The following DMXL2 variants were observed in gnomAD, a reference collection of about 807,000 sequenced individuals.
The protein encoded by DMXL2 is Dmx like 2, also known as dmX-like protein 2.
A neutral mutation model predicts 331.1 loss-of-function variants in DMXL2; 103 were observed. That is an observed-to-expected ratio of 0.31 (90% CI 0.27 to 0.37). The LOEUF (loss-of-function observed/expected upper bound fraction) is 0.37, where lower values mean the gene tolerates loss of function less well. DMXL2 is among the 10% of genes least tolerant of loss of function. The pLI, the probability that DMXL2 is intolerant of heterozygous loss-of-function variation, is 1.00. For missense variants in DMXL2, 3,171 were observed against 3,642.9 expected (o/e 0.87, Z 3.33); for synonymous variants, 1,281 against 1,252.1 (o/e 1.02, Z -0.49).
chr15:51,458,735 T>C lies in DMXL2; in HGVS notation c.8050A>G (p.Met2684Val). Reference protein sequence around the residue: ...KAKVIHKESDMIMAFSVNKAN... With the variant: ...KAKVIHKESDVIMAFSVNKAN... ...TTATTAACAGAAAATGCCATGATCATATCAGATTCCTTATGGATGACTTTC... is the reference window on the plus strand; with the variant it reads ...TTATTAACAGAAAATGCCATGATCACATCAGATTCCTTATGGATGACTTTC... The change falls in exon 35 of 44, where the codon ATG becomes GTG. Residue 2684 changes from methionine (M) to valine (V), a missense_variant. Physicochemically the swap from Met to Val is conservative, Grantham distance 21 (BLOSUM62 1). Around this residue, in one of 7 missense-constraint regions of DMXL2, gnomAD observed 766 missense variants for 940.5 expected, o/e 0.81. Coordinates refer to ENST00000560891, the MANE Select transcript of DMXL2 (RefSeq NM_001378457.1). The C allele has an allele frequency of 1.2e-6, 2 of 1,614,066 alleles. No homozygotes were observed. Among genetic ancestry groups the C allele is most frequent in the Non-Finnish European group, 1.7e-6 (2 of 1,179,942 alleles).
chr15:51,521,414 C>CTAGTAGTAG (rs10667947), intron 13 of DMXL2, among the ~76,000 whole-genome samples: 3,931 of 141,942 alleles, frequency 0.028, 64 homozygotes, highest in Non-Finnish European at 0.033. Flanking sequence ...TAAAAGTTTG[C>CTAGTAGTAG]TAGTAGTAGT....
rs535204474 is a variant in DMXL2 at position 51,478,343 on chromosome 15, T to C, written c.6761A>G (p.His2254Arg). 1 of 1,613,048 alleles carries C rather than the reference T, an allele frequency of 6.2e-7. No homozygotes were observed. The highest frequency in any genetic ancestry group is 1.3e-5 in the African/African-American group (1 of 74,996). ...TGATGCTGCTAGTGAATGAAGTGTG[T>C]GCACCTAAAACCAAAACAGTCACAA... ...PHPSIEDVKVHTLHSLAASLS... is the reference protein window; with the variant it reads ...PHPSIEDVKVRTLHSLAASLS... The change falls in exon 26 of 44, where the codon CAC becomes CGC. Residue 2254 changes from histidine (H) to arginine (R), a missense_variant. Around this residue, in one of 7 missense-constraint regions of DMXL2, gnomAD observed 18 missense variants for 40.9 expected, o/e 0.44. Transcript: ENST00000560891.
At chr15:51,519,683 C>T (rs557061219) in intron 13 of DMXL2, among the ~76,000 whole-genome samples, 2 of 135,110 alleles carry the variant, frequency 1.5e-5, no homozygotes, top group South Asian at 4.7e-4. Context: ...ACTCTTGCTG[C>T]CCAGGCTGAA....
intron 3 of DMXL2, among the ~76,000 whole-genome samples, chr15:51,566,348 T>C (rs1367712740): frequency 1.3e-5 from 2 of 152,056 alleles, no homozygotes; most frequent in Non-Finnish European, 2.9e-5. Flanking sequence ...AAATGCTATT[T>C]TTAAACCCTA....
intron 1 of DMXL2, among the ~76,000 whole-genome samples, chr15:51,599,391 CA>C (rs1343296081): frequency 1.3e-5 from 2 of 152,112 alleles, no homozygotes; most frequent in Admixed American, 1.3e-4. Flanking sequence ...GTTAGGAAAA[CA>C]AATGTGTGTG....
rs370563573 is a variant in DMXL2 at position 51,499,877 on chromosome 15, T to C, written c.3347A>G (p.Glu1116Gly). The C allele has an allele frequency of 1.6e-5, 26 of 1,614,036 alleles. No homozygotes were observed. Among genetic ancestry groups the C allele is most frequent in the South Asian group, 2.2e-5 (2 of 91,076 alleles). The change falls in exon 18 of 44, where the codon GAG (glutamate) becomes GGG (glycine). Residue 1116 changes from glutamate (E) to glycine (G), a missense_variant. Physicochemically the swap from Glu to Gly is moderately conservative, Grantham distance 98. Around this residue, in one of 7 missense-constraint regions of DMXL2, gnomAD observed 1,674 missense variants for 1,780.2 expected, o/e 0.94. Coordinates refer to ENST00000560891, the MANE Select transcript of DMXL2 (RefSeq NM_001378457.1). ...ATGAATTGTTTGTTCTAAAACCCAC[T>C]CTGATCCTCCTGTAGATTCACATTC... ...IFECESTGGS[E>G]WVLEQTIHLD...
At chr15:51,492,251 C>A (rs1489851429) in intron 19 of DMXL2, among the ~76,000 whole-genome samples, 2 of 152,226 alleles carry the variant, frequency 1.3e-5, no homozygotes, top group African/African-American at 4.8e-5. Flanking sequence ...TTATTCAAGT[C>A]AAAAGCACTT....
intron 33 of DMXL2, among the ~76,000 whole-genome samples, chr15:51,461,013 C>T (rs1470948355): frequency 1.3e-5 from 2 of 152,132 alleles, no homozygotes; most frequent in Non-Finnish European, 2.9e-5. Flanking sequence ...ATACAGATTT[C>T]CATCATCACA....
intron 1 of DMXL2, among the ~76,000 whole-genome samples, chr15:51,591,822 C>A (rs1567161257): frequency 6.6e-6 from 1 of 152,142 alleles, no homozygotes; most frequent in Non-Finnish European, 1.5e-5. Flanking sequence ...GAGTGGACCT[C>A]CAGCAAACTC....
intron 6 of DMXL2, among the ~76,000 whole-genome samples, chr15:51,561,647 G>C (rs1037918265): frequency 1.3e-5 from 2 of 152,060 alleles, no homozygotes. Flanking sequence ...AACAAAACTA[G>C]AACTACCATA....
intron 34 of DMXL2, chr15:51,459,243 A>G (rs1162687923): frequency 5.4e-6 from 1 of 186,706 alleles, no homozygotes; most frequent in African/African-American, 2.3e-5. Flanking sequence ...AGTTGTAAAG[A>G]GGGATACTTC....
intron 7 of DMXL2, among the ~76,000 whole-genome samples, chr15:51,546,064 C>T (rs2048873382): frequency 6.6e-6 from 1 of 152,064 alleles, no homozygotes; most frequent in Non-Finnish European, 1.5e-5. Flanking sequence ...CTAATCATTG[C>T]AAATTAGAGA....
chr15:51,586,966 T>C (rs762548862), intron 1 of DMXL2, among the ~76,000 whole-genome samples: 1 of 136,708 alleles, frequency 7.3e-6, no homozygotes, highest in African/African-American at 2.8e-5. Flanking sequence ...TTCAAAGTAT[T>C]CATTGTCAAA....
chr15:51,554,910 C>A (rs143303202), intron 6 of DMXL2, among the ~76,000 whole-genome samples: 3,342 of 152,288 alleles, frequency 0.022, 123 homozygotes, highest in African/African-American at 0.077. Context: ...ATAATCCCAG[C>A]ACTTTGGGAG....
chr15:51,613,766 T>A (rs2054122359), intron 1 of DMXL2, among the ~76,000 whole-genome samples: 1 of 151,906 alleles, frequency 6.6e-6, no homozygotes, highest in Non-Finnish European at 1.5e-5. Context: ...AGCATAAAAT[T>A]ATCACAGTCA....
chr15:51,535,755 A>G lies in DMXL2; in HGVS notation c.2344T>C (p.Phe782Leu), dbSNP rs1264723196. Residue 782 changes from phenylalanine (F) to leucine (L), a missense_variant, in exon 13 of 44, where the codon TTT becomes CTT. By Grantham distance (22) the Phe-to-Leu change is conservative (BLOSUM62 0). Transcript: ENST00000560891. ...AGATTTTTGCCATCAGAAGCAACAAAGCAAGCACTTGCAGAATTGCAGTAT... is the reference window on the plus strand; with the variant it reads ...AGATTTTTGCCATCAGAAGCAACAAGGCAAGCACTTGCAGAATTGCAGTAT... ...GTYCNSASAC[F>L]VASDGKNLRL... 2.5e-6 allele frequency: 4 copies of G among 1,610,644 alleles called. No individual in the cohort carries two copies. The highest frequency in any genetic ancestry group is 2.5e-6 in the Non-Finnish European group (3 of 1,178,214).
In DMXL2 at chr15:51,450,095, CT is replaced by C. The variant is rs776054805; in HGVS notation, c.8967+33del. ...TTTGTTTTTTCTCTTTCCAATCAGT[CT>C]TTAGCACATTCCAACCTCTTGTACT... On this transcript the variant is annotated intron_variant, in intron 43 of 43. Coordinates refer to ENST00000560891, the MANE Select transcript of DMXL2 (RefSeq NM_001378457.1). 8 of 1,593,968 alleles carry C rather than the reference CT, an allele frequency of 5.0e-6. No individual in the cohort carries two copies. In the African/African-American group the frequency reaches 1.1e-4, roughly 21 times the overall value.
In DMXL2 at chr15:51,480,652, G is replaced by C; in HGVS notation, c.6454C>G (p.Gln2152Glu). The C allele has an allele frequency of 6.2e-7, 1 of 1,612,692 alleles. No individual in the cohort carries two copies. The highest frequency in any genetic ancestry group is 8.5e-7 in the Non-Finnish European group (1 of 1,178,912). The change falls in exon 24 of 44, where the codon CAA (glutamine) becomes GAA (glutamate). Residue 2152 changes from glutamine (Q) to glutamate (E), a missense_variant. Gln to Glu is a conservative substitution (Grantham distance 29). Around this residue, in one of 7 missense-constraint regions of DMXL2, gnomAD observed 197 missense variants for 196.2 expected, o/e 1.00. Transcript: ENST00000560891. ...CTGAGAAATACTCTCAGGAGATCTT[G>C]GTTTTTCTGCAACCACGACTTTCGT... ...ERRKSWLQKNQDLLRVFLSYC... is the reference protein window; with the variant it reads ...ERRKSWLQKNEDLLRVFLSYC...
intron 32 of DMXL2, 83 bp from the exon 33 acceptor site, chr15:51,463,579 T>C: frequency 1.3e-6 from 1 of 798,226 alleles, no homozygotes; most frequent in Non-Finnish European, 2.0e-6. Flanking sequence ...TTTAAAACCT[T>C]CACAATCTAT....
Sources: allele counts gnomAD v4.1 joint callset (sites outside exome capture counted in the v4.1 genomes callset), GRCh38; gene constraint gnomAD v4.1.1; regional missense constraint gnomAD v4.1.1; transcripts MANE v1.5; gene names NCBI Gene and HGNC (gene_info 2026-07-23, HGNC 2026-07-21).